The following MITF variants were observed in gnomAD, a reference collection of about 807,000 sequenced individuals.
The protein encoded by MITF is microphthalmia-associated transcription factor.
In MITF, 17 loss-of-function variants were observed where a neutral mutation model predicts 60.5. The observed-to-expected ratio is 0.28, with a 90% CI of 0.19 to 0.42. MITF has a LOEUF of 0.42. MITF is among the 10% of genes least tolerant of loss of function. MITF has a pLI of 1.00. For missense variants in MITF, 622 were observed against 683.5 expected (o/e 0.91, Z 1.00); for synonymous variants, 260 against 248.5 (o/e 1.05, Z -0.43).
chr3:69,935,395 T>C (rs1270874856), intron 2 of MITF, among the ~76,000 whole-genome samples: 3 of 152,222 alleles, frequency 2.0e-5, no homozygotes, highest in Non-Finnish European at 4.4e-5. Context: ...TTAACATTTA[T>C]TTTTAAACAT....
intron 1 of MITF, among the ~76,000 whole-genome samples, chr3:69,852,697 G>A (rs2063845624): frequency 6.6e-6 from 1 of 152,184 alleles, no homozygotes; most frequent in African/African-American, 2.4e-5. Context: ...ACTAGGTTAT[G>A]AGGCATGCAC....
intron 2 of MITF, among the ~76,000 whole-genome samples, chr3:69,915,007 G>A (rs1023832582): frequency 9.2e-5 from 14 of 152,136 alleles, no homozygotes; most frequent in African/African-American, 2.2e-4. Context: ...GATATAAAAC[G>A]TAGTTTAGTA....
chr3:69,950,448 T>TTATA (rs10604038), intron 6 of MITF, among the ~76,000 whole-genome samples: 1,900 of 130,740 alleles, frequency 0.015, 35 homozygotes, highest in African/African-American at 0.045. Context: ...AACTTCTGAG[T>TTATA]TATATATATA....
chr3:69,938,162 C>A, intron 3 of MITF, 113 bp downstream of exon 3: 1 of 1,265,864 alleles, frequency 7.9e-7, no homozygotes. Context: ...CCACATTTAC[C>A]AGCCTTTGTC....
At chr3:69,845,066 G>T (rs2063706622) in intron 1 of MITF, among the ~76,000 whole-genome samples, 1 of 151,980 alleles carries the variant, frequency 6.6e-6, no homozygotes. Flanking sequence ...AAACGTGCAG[G>T]CTTTTATTTG....
intron 5 of MITF, among the ~76,000 whole-genome samples, chr3:69,942,008 T>A (rs1324924128): frequency 1.3e-5 from 2 of 152,190 alleles, no homozygotes; most frequent in Non-Finnish European, 2.9e-5. Context: ...TGTAACTAGG[T>A]TAGACAGTCT....
intron 1 of MITF, among the ~76,000 whole-genome samples, chr3:69,782,296 A>G (rs2062578255): frequency 6.6e-6 from 1 of 152,184 alleles, no homozygotes; most frequent in South Asian, 2.1e-4. Context: ...ATTTTTGTTT[A>G]TCATCTCTAT....
intron 1 of MITF, among the ~76,000 whole-genome samples, chr3:69,809,254 AC>A (rs1251364206): frequency 2.6e-5 from 4 of 152,164 alleles, no homozygotes; most frequent in Non-Finnish European, 5.9e-5. Context: ...GGGGGAGAGT[AC>A]AGAGTTTTAA....
chr3:69,850,002 G>A (rs2063798607), intron 1 of MITF, among the ~76,000 whole-genome samples: 1 of 152,132 alleles, frequency 6.6e-6, no homozygotes, highest in African/African-American at 2.4e-5. Context: ...GCAGTCAATC[G>A]AGTTTTTTGT....
chr3:69,881,157 CACTGGA>C (rs1452719082), intron 2 of MITF, among the ~76,000 whole-genome samples: 1 of 152,014 alleles, frequency 6.6e-6, no homozygotes, highest in Non-Finnish European at 1.5e-5. Flanking sequence ...GTCCTGGTGA[CACTGGA>C]TTGAGCTACA....
intron 1 of MITF, among the ~76,000 whole-genome samples, chr3:69,833,827 C>T (rs980908503): frequency 6.6e-6 from 1 of 152,202 alleles, no homozygotes; most frequent in Non-Finnish European, 1.5e-5. Context: ...CCTATTTATA[C>T]TGTATGTAAT....
intron 1 of MITF, among the ~76,000 whole-genome samples, chr3:69,863,294 G>A (rs1042033301): frequency 6.6e-6 from 1 of 152,134 alleles, no homozygotes. Context: ...GTATATGGTG[G>A]CCTGTGTTCA....
At chr3:69,785,702 T>G (rs976637800) in intron 1 of MITF, among the ~76,000 whole-genome samples, 10 of 152,074 alleles carry the variant, frequency 6.6e-5, no homozygotes, top group Admixed American at 2.0e-4. Context: ...TGAGTTGAGG[T>G]TTTGAGTGAG....
At chr3:69,959,892 A>G (rs770577024) in intron 9 of MITF, among the ~76,000 whole-genome samples, 10 of 152,224 alleles carry the variant, frequency 6.6e-5, no homozygotes, top group Non-Finnish European at 1.5e-4. Context: ...GAGAAAATAC[A>G]TGTGTTGGAT....
intron 1 of MITF, among the ~76,000 whole-genome samples, chr3:69,762,089 A>G (rs2062220101): frequency 6.6e-6 from 1 of 152,348 alleles, no homozygotes; most frequent in Non-Finnish European, 1.5e-5. Context: ...TTTAAACATC[A>G]TAATGTTGTG....
intron 2 of MITF, among the ~76,000 whole-genome samples, chr3:69,900,016 A>G (rs1186602955): frequency 2.0e-5 from 3 of 152,194 alleles, no homozygotes; most frequent in African/African-American, 7.2e-5. Flanking sequence ...ATGAATAGAG[A>G]AAGCTTTGCT....
intron 2 of MITF, among the ~76,000 whole-genome samples, chr3:69,888,400 CT>C (rs1370417186): frequency 6.6e-6 from 1 of 150,980 alleles, no homozygotes; most frequent in East Asian, 1.9e-4. Flanking sequence ...GGCAAAGAAC[CT>C]TTTCTTTTTT....
At position 69,959,276 on chromosome 3, in the gene MITF, C is replaced by T. The variant is rs2107536805; in HGVS notation, c.1035C>T (p.Asp345=). The T allele has an allele frequency of 6.2e-7, 1 of 1,614,026 alleles. No individual in the cohort carries two copies. The highest frequency in any genetic ancestry group is 1.7e-4 in the Middle Eastern group (1 of 6,060). ...TTTTCCTCCATTTTCATCGCAGAGA[C>T]ATGCGCTGGAACAAGGGAACCATCT... ...GTLIPKSNDP[D]MRWNKGTILK... is the part of the protein sequence containing the mutation. The change falls in exon 9 of 10, where the codon GAC becomes GAT. Residue 345 remains aspartate, a synonymous_variant. Transcript: ENST00000352241.
intron 1 of MITF, among the ~76,000 whole-genome samples, chr3:69,866,838 T>C (rs2064125599): frequency 1.3e-5 from 2 of 151,928 alleles, no homozygotes; most frequent in South Asian, 4.2e-4. Flanking sequence ...ACCTTTTTTT[T>C]TTTTTTTTCC....
Sources: gnomAD v4.1 joint callset for allele counts (sites outside exome capture counted in the v4.1 genomes callset) on GRCh38, gnomAD v4.1.1 for gene constraint, MANE v1.5 for transcripts, NCBI Gene and HGNC (gene_info 2026-07-23, HGNC 2026-07-21) for gene names.